MROH1: variants seen among roughly 807,000 people sequenced by gnomAD.
MROH1 encodes maestro heat-like repeat-containing protein family member 1.
Under a neutral mutation model 116.5 loss-of-function variants are expected in MROH1, and 117 were observed. The observed-to-expected ratio is 1.00, with a 90% CI of 0.86 to 1.17. MROH1 has a LOEUF of 1.17. Among genes scored for constraint, MROH1 ranks in the 50% most tolerant of loss-of-function variants. The pLI is 0.00. For synonymous variants in MROH1, 921 were observed against 583.9 expected, an observed-to-expected ratio of 1.58 and a Z score of -8.32; for missense variants, 1,873 against 1,338.5, an observed-to-expected ratio of 1.40 and a Z score of -6.23.
Position 144,179,587 on chromosome 8 carries a change from G to A in MROH1, c.300+1G>A, listed in dbSNP as rs1266403701. The A allele has an allele frequency of 6.2e-7, 1 of 1,606,102 alleles. No homozygotes were observed. Among genetic ancestry groups the A allele is most frequent in the Non-Finnish European group, 8.5e-7 (1 of 1,176,834 alleles). On this transcript the variant is annotated splice_donor_variant, in intron 5 of 43. Coordinates refer to ENST00000326134, the MANE Select transcript of MROH1 (RefSeq NM_032450.3). LOFTEE classifies it high-confidence loss of function. ...CTCCAGCGAGATGACCAAGACGAAG[G>A]TATTCAGCAGGCCCTCTGGCCTCGC...
At chr8:144,152,944 A>G (rs1479079547) in intron 1 of MROH1, among the ~76,000 whole-genome samples, 1 of 152,118 alleles carries the variant, frequency 6.6e-6, no homozygotes, top group Non-Finnish European at 1.5e-5. Context: ...CTAGTCATCT[A>G]TGTTGTGCAA....
intron 13 of MROH1, 106 bp from the exon 14 acceptor site, chr8:144,223,002 A>G: frequency 6.6e-7 from 1 of 1,505,208 alleles, no homozygotes; most frequent in Non-Finnish European, 9.0e-7. Flanking sequence ...TTGTGGGCAC[A>G]TGTGTGGATG....
In MROH1 at chr8:144,260,746, T is replaced by C. The variant is rs1027801461; in HGVS notation, c.4450T>C (p.Cys1484Arg). ...GHLNKVCHGD[C>R]EDVFLDQVVG... ...CCTTAACAAGGTCTGCCACGGAGAC[T>C]GTGAGGACGTCTTCCTGGACCAGGT... The change falls in exon 40 of 44, where the codon TGT (cysteine) becomes CGT (arginine). Residue 1484 changes from cysteine to arginine, a missense_variant. Transcript: ENST00000326134. 5.1e-6 allele frequency: 4 copies of C among 779,428 alleles called. No homozygotes were observed. In the Admixed American group the frequency reaches 6.8e-5, roughly 13 times the overall value. The allele number at this position is 779,428 out of a possible 1,614,324, so 48.3% of individuals were successfully genotyped here. A position where few individuals can be genotyped will look rare whatever the true frequency, so the allele number is the denominator to read the frequency against.
At chr8:144,250,893 A>C (rs1172358721) in intron 33 of MROH1, 1 of 230,698 alleles carries the variant, frequency 4.3e-6, no homozygotes, top group East Asian at 1.1e-4. Context: ...AGCAAAGGGC[A>C]GGGCGTGTCT....
intron 7 of MROH1, among the ~76,000 whole-genome samples, chr8:144,188,565 C>T (rs930098651): frequency 5.7e-5 from 8 of 139,210 alleles, no homozygotes; most frequent in Admixed American, 1.6e-4. Context: ...CTCCCGGATT[C>T]GAGTGATTCT....
At chr8:144,187,832 G>A (rs749895699) in intron 7 of MROH1, among the ~76,000 whole-genome samples, 2 of 152,222 alleles carry the variant, frequency 1.3e-5, no homozygotes, top group Non-Finnish European at 2.9e-5. Context: ...CTTTGCTCTT[G>A]CAGGGTTGCT....
intron 4 of MROH1, among the ~76,000 whole-genome samples, chr8:144,170,465 G>T (rs575422465): frequency 6.6e-6 from 1 of 152,146 alleles, no homozygotes; most frequent in Non-Finnish European, 1.5e-5. Flanking sequence ...CCTGCAGACC[G>T]CCTCCAGGAG....
intron 4 of MROH1, among the ~76,000 whole-genome samples, chr8:144,177,191 G>T (rs1824213986): frequency 6.6e-6 from 1 of 152,208 alleles, no homozygotes; most frequent in Admixed American, 6.5e-5. Context: ...TCGCAGAGTG[G>T]CAGTGAGCAA....
At chr8:144,175,433 C>A in intron 4 of MROH1, 1 of 925,982 alleles carries the variant, frequency 1.1e-6, no homozygotes, top group Non-Finnish European at 1.3e-6. Flanking sequence ...CTCAGCCATG[C>A]TCTGACTAGA....
Position 144,241,429 on chromosome 8 carries a change from C to T in MROH1, c.2090C>T (p.Ser697Phe), listed in dbSNP as rs1840961672. Residue 697 changes from serine to phenylalanine, a missense_variant, in exon 22 of 44, where the codon TCC becomes TTC. By Grantham distance (155) the Ser-to-Phe change is radical (BLOSUM62 -2). Coordinates refer to ENST00000326134, the MANE Select transcript of MROH1 (RefSeq NM_032450.3). ...TGCTGCTTCGGGATCTGTGCCATCT[C>T]CCACCTCGAGGACACGCTGGCCCAG... ...LACCFGICAI[S>F]HLEDTLAQLE... 1 of 778,494 alleles carries T rather than the reference C, an allele frequency of 1.3e-6. No homozygotes were observed. Among genetic ancestry groups the T allele is most frequent in the Non-Finnish European group, 2.4e-6 (1 of 417,764 alleles). The allele number at this position is 778,494 out of a possible 1,614,324, so 48.2% of individuals were successfully genotyped here. A position where few individuals can be genotyped will look rare whatever the true frequency, so the allele number is the denominator to read the frequency against.
rs192008468 is a variant in MROH1, at chr8:144,172,514, C to T, written c.168+4074C>T. Among the ~76,000 whole-genome samples the T allele has an allele frequency of 7.5e-4, 113 of 151,548 alleles. 1 individual carries two copies. Among genetic ancestry groups the T allele is most frequent in the African/African-American group, 1.8e-3 (73 of 41,298 alleles). On this transcript the variant is annotated intron_variant, in intron 4 of 43. Transcript: ENST00000326134. ...GCAACCTCCACCTCCTGGGTTCAAG[C>T]GATTCTCCTGCCTCAGCCTCCTGAG...
At chr8:144,201,813 G>A (rs1588123101) in intron 12 of MROH1, among the ~76,000 whole-genome samples, 1 of 152,046 alleles carries the variant, frequency 6.6e-6, no homozygotes, top group East Asian at 1.9e-4. Flanking sequence ...AGGAGTTCAA[G>A]ACCAGGCTGG....
chr8:144,151,760 C>T (rs974344464), intron 1 of MROH1, among the ~76,000 whole-genome samples: 1 of 152,216 alleles, frequency 6.6e-6, no homozygotes, highest in Non-Finnish European at 1.5e-5. Context: ...AACATTCATC[C>T]CTAGATACAG....
rs1157662078 is a variant in MROH1, at chr8:144,157,989, C to CTT, written c.-176-2961_-176-2960dup. ...ACTGCGCCTGGCCATCTATTTCTTT[C>CTT]TTTTTTTTTTTTTTTTTTTTTGAGA... On this transcript the variant is annotated intron_variant, in intron 1 of 43. Coordinates refer to ENST00000326134, the MANE Select transcript of MROH1 (RefSeq NM_032450.3). Among the ~76,000 whole-genome samples, 96 of 88,856 alleles carry CTT rather than the reference C, an allele frequency of 1.1e-3. 1 individual carries two copies. The highest frequency in any genetic ancestry group is 1.4e-3 in the Non-Finnish European group (61 of 43,038). The allele number at this position is 88,856 out of a possible 152,430, so 58.3% of individuals were successfully genotyped here. A position where few individuals can be genotyped will look rare whatever the true frequency, so the allele number is the denominator to read the frequency against.
intron 35 of MROH1, among the ~76,000 whole-genome samples, chr8:144,256,297 G>C (rs868980924): frequency 0.4 from 61,456 of 151,786 alleles, 13,273 homozygotes; most frequent in East Asian, 0.61. Flanking sequence ...CTGCCATGCC[G>C]CACCTGCCCA....
chr8:144,250,280 C>T lies in MROH1; in HGVS notation c.3342C>T (p.Ala1114=), dbSNP rs1310628923. ...CCCAGGGAGAGCACGTCCTGCCGGC[C>T]GCCCAGCACAGCGTGTACCTCCTGG... ...QEAQGEHVLP[A]AQHSVYLLAT... is the part of the protein sequence containing the mutation. Residue 1114 remains alanine (A), a synonymous_variant, in exon 33 of 44, where the codon GCC becomes GCT. Coordinates refer to ENST00000326134, the MANE Select transcript of MROH1 (RefSeq NM_032450.3). The T allele has an allele frequency of 3.9e-5, 30 of 767,180 alleles. No homozygotes were observed. Among genetic ancestry groups the T allele is most frequent in the Middle Eastern group, 2.7e-4 (1 of 3,678 alleles). The allele number at this position is 767,180 out of a possible 1,614,324, so 47.5% of individuals were successfully genotyped here. A position where few individuals can be genotyped will look rare whatever the true frequency, so the allele number is the denominator to read the frequency against.
intron 12 of MROH1, among the ~76,000 whole-genome samples, chr8:144,211,122 A>G (rs1834002154): frequency 6.6e-6 from 1 of 152,214 alleles, no homozygotes; most frequent in African/African-American, 2.4e-5. Context: ...CTGCATTGTC[A>G]AGGTGCAAGT....
intron 29 of MROH1, among the ~76,000 whole-genome samples, chr8:144,246,090 C>T (rs904345308): frequency 6.3e-5 from 8 of 127,366 alleles, no homozygotes; most frequent in Non-Finnish European, 1.1e-4. Context: ...CCTTTCCTTC[C>T]TTTCCTTCCT....
At chr8:144,168,217 A>T in intron 3 of MROH1, 78 bp from the exon 4 acceptor site, 1 of 1,441,802 alleles carries the variant, frequency 6.9e-7, no homozygotes, top group South Asian at 1.4e-5. Context: ...AGGTGTGTCC[A>T]CTGCAGGAGT....
Sources: gnomAD v4.1 joint callset for allele counts (sites outside exome capture counted in the v4.1 genomes callset) on GRCh38, gnomAD v4.1.1 for gene constraint, MANE v1.5 for transcripts, NCBI Gene and HGNC (gene_info 2026-07-23, HGNC 2026-07-21) for gene names.